The following ATP13A3 variants were observed in gnomAD, a reference collection of about 807,000 sequenced individuals.
ATP13A3 encodes polyamine-transporting ATPase 13A3.
A neutral mutation model predicts 158.1 loss-of-function variants in ATP13A3; 59 were observed. That is an observed-to-expected ratio of 0.37 (90% confidence interval 0.30 to 0.46). The LOEUF (loss-of-function observed/expected upper bound fraction) is 0.46. Ranked by LOEUF, ATP13A3 falls within the 20% of genes least tolerant of loss-of-function variation. The pLI is 1.00. For missense variants in ATP13A3, 1,166 were observed against 1,525.2 expected (o/e 0.76, Z 3.92); for synonymous variants, 491 against 504.3 (o/e 0.97, Z 0.35).
rs1242862922 is a variant in ATP13A3 at position 194,464,281 on chromosome 3, T to G, written c.-46-2045A>C. On this transcript the variant is annotated intron_variant, in intron 2 of 33. Coordinates refer to ENST00000645319, the MANE Select transcript of ATP13A3 (RefSeq NM_001367549.1). ...CATTGGTGCAAAAATAAATAACCAGTAAGATACTGAACTCAGTGCCATTGT... is the reference window on the plus strand; with the variant it reads ...CATTGGTGCAAAAATAAATAACCAGGAAGATACTGAACTCAGTGCCATTGT... 2.0e-5 allele frequency among the ~76,000 whole-genome samples: 3 copies of G among 152,188 alleles called. 1 individual carries two copies. The highest frequency in any genetic ancestry group is 2.9e-5 in the Non-Finnish European group (2 of 68,044).
intron 2 of ATP13A3, among the ~76,000 whole-genome samples, chr3:194,492,602 C>A (rs1268317062): frequency 6.6e-6 from 1 of 151,918 alleles, no homozygotes; most frequent in Non-Finnish European, 1.5e-5. Context: ...TTACAGGCAT[C>A]CGCCACCAGG....
rs764006440 is a variant in ATP13A3, at chr3:194,406,095, T to G, written c.3595A>C (p.Lys1199Gln). 51 of 1,613,956 alleles carry G rather than the reference T, an allele frequency of 3.2e-5. No homozygotes were observed. Among genetic ancestry groups the G allele is most frequent in the Non-Finnish European group, 3.9e-5 (46 of 1,180,026 alleles). Residue 1199 changes from lysine (K) to glutamine (Q), a missense_variant, in exon 34 of 34, where the codon AAA becomes CAA. This residue lies in a region of ATP13A3 where 997 missense variants were observed against 1,341.2 expected (regional missense o/e 0.74). Transcript: ENST00000645319. Reference protein sequence around the residue: ...PPQESVDRWGKCCLPWALGCR... With the variant: ...PPQESVDRWGQCCLPWALGCR... ...CCCAGGGCCCAGGGTAAGCAGCATTTTCCCCACCGATCCACTGACTCCTAA... is the reference window on the plus strand; with the variant it reads ...CCCAGGGCCCAGGGTAAGCAGCATTGTCCCCACCGATCCACTGACTCCTAA...
chr3:194,454,494 G>A, intron 8 of ATP13A3, 102 bp from the exon 9 acceptor site: 1 of 1,263,362 alleles, frequency 7.9e-7, no homozygotes, highest in Non-Finnish European at 1.1e-6. Context: ...ATATGTACAA[G>A]ATAAGCTCCA....
chr3:194,407,065 G>T (rs760025600), intron 33 of ATP13A3, among the ~76,000 whole-genome samples: 1 of 152,160 alleles, frequency 6.6e-6, no homozygotes, highest in Non-Finnish European at 1.5e-5. Flanking sequence ...TTAATGCATA[G>T]AAATGTAAAC....
intron 33 of ATP13A3, 150 bp from the exon 34 acceptor site, chr3:194,406,266 T>C: frequency 1.1e-6 from 1 of 900,266 alleles, no homozygotes; most frequent in East Asian, 2.7e-5. Flanking sequence ...AAATCCATGT[T>C]AAAAAAAGGC....
intron 10 of ATP13A3, chr3:194,451,566 G>A (rs1252065135): frequency 6.6e-6 from 1 of 152,216 alleles, no homozygotes; most frequent in Non-Finnish European, 1.5e-5. Context: ...AGCTAAGGGA[G>A]GCAGATCTTC....
Position 194,427,137 on chromosome 3 carries a change from T to C in ATP13A3, c.3063A>G (p.Gln1021=). The C allele has an allele frequency of 6.2e-7, 1 of 1,613,744 alleles. No individual in the cohort carries two copies. The highest frequency in any genetic ancestry group is 8.5e-7 in the Non-Finnish European group (1 of 1,179,950). Residue 1021 remains glutamine (Q), a synonymous_variant, in exon 29 of 34, where the codon CAA becomes CAG. Coordinates refer to ENST00000645319, the MANE Select transcript of ATP13A3 (RefSeq NM_001367549.1). ...LSQIIICIGF[Q]SLGFFWVKQQ... ...GTTTGACCCAAAAAAAACCCAAAGATTGAAATCCAATGCAGATGATAATCT... is the reference window on the plus strand; with the variant it reads ...GTTTGACCCAAAAAAAACCCAAAGACTGAAATCCAATGCAGATGATAATCT...
chr3:194,427,116 G>T lies in ATP13A3; in HGVS notation c.3084C>A (p.Val1028=). ...IGFQSLGFFW[V]KQQPWYEVWH... is the part of the protein sequence containing the mutation. ...ACACTTCATACCAAGGTTGCTGTTT[G>T]ACCCAAAAAAAACCCAAAGATTGAA... The change falls in exon 29 of 34, where the codon GTC becomes GTA. Residue 1028 remains valine, a synonymous_variant. Coordinates refer to ENST00000645319, the MANE Select transcript of ATP13A3 (RefSeq NM_001367549.1). The T allele has an allele frequency of 6.2e-7, 1 of 1,613,204 alleles. No individual in the cohort carries two copies. The highest frequency in any genetic ancestry group is 1.1e-5 in the South Asian group (1 of 90,788).
At chr3:194,450,809 AAT>A (rs1412142576) in intron 10 of ATP13A3, 1 of 152,432 alleles carries the variant, frequency 6.6e-6, no homozygotes. Context: ...TATTATTTTA[AAT>A]ATGAGTAAAT....
intron 14 of ATP13A3, among the ~76,000 whole-genome samples, chr3:194,446,479 C>T (rs1404090018): frequency 6.6e-6 from 1 of 152,202 alleles, no homozygotes; most frequent in Non-Finnish European, 1.5e-5. Flanking sequence ...TGCTGAGATA[C>T]GCTCCCACTA....
At chr3:194,407,918 T>C (rs1225872556) in intron 33 of ATP13A3, among the ~76,000 whole-genome samples, 1 of 152,184 alleles carries the variant, frequency 6.6e-6, no homozygotes, top group Non-Finnish European at 1.5e-5. Flanking sequence ...TCATCTGAGA[T>C]GACAGTTTAC....
rs942930345 is a variant in ATP13A3 at position 194,404,129 on chromosome 3, G to C, written c.*1790C>G. The C allele has an allele frequency of 2.2e-6, 1 of 450,762 alleles. No individual in the cohort carries two copies. The highest frequency in any genetic ancestry group is 2.5e-5 in the Admixed American group (1 of 40,302). 27.9% of individuals were successfully genotyped at this position (450,762 alleles called of 1,614,324 possible). A position where few individuals can be genotyped will look rare whatever the true frequency, so the allele number is the denominator to read the frequency against. On this transcript the variant is annotated 3_prime_UTR_variant, in exon 34 of 34. Transcript: ENST00000645319. ...AATATGGAAATTATAAAATGATCCA[G>C]AGAATAAGTAACTATAGAAAATAGT...
intron 29 of ATP13A3, 110 bp from the exon 30 acceptor site, chr3:194,425,639 T>G: frequency 2.4e-6 from 2 of 838,574 alleles, no homozygotes; most frequent in Non-Finnish European, 1.8e-6. Context: ...AATAGAAATA[T>G]GATATTTACA....
intron 11 of ATP13A3, 80 bp downstream of exon 11, chr3:194,450,065 A>G (rs779694549): frequency 2.7e-4 from 388 of 1,430,862 alleles, no homozygotes; most frequent in Non-Finnish European, 3.6e-4. Context: ...TGACATAGCT[A>G]ATTTTGAAAA....
chr3:194,467,462 A>G (rs1720062807), intron 2 of ATP13A3, among the ~76,000 whole-genome samples: 1 of 152,200 alleles, frequency 6.6e-6, no homozygotes, highest in Admixed American at 6.5e-5. Context: ...TTTCTCTAAA[A>G]CGTAGTTGTT....
intron 33 of ATP13A3, 63 bp downstream of exon 33, chr3:194,412,136 A>C: frequency 7.9e-7 from 1 of 1,265,996 alleles, no homozygotes. Flanking sequence ...TAGAGAATAC[A>C]GAGTACACAA....
In ATP13A3 at chr3:194,459,845, G is replaced by T; in HGVS notation, c.352C>A (p.Pro118Thr). Residue 118 changes from proline to threonine, a missense_variant, in exon 5 of 34, where the codon CCC becomes ACC. Coordinates refer to ENST00000645319, the MANE Select transcript of ATP13A3 (RefSeq NM_001367549.1). Reference sequence around the variant, plus strand: ...ATCCTGTGCCTATTTTCTTCAGTGGGATTCTCAATTAAACAAACTGCATGG... The same window carrying T: ...ATCCTGTGCCTATTTTCTTCAGTGGTATTCTCAATTAAACAAACTGCATGG... ...NGHAVCLIEN[P>T]TEENRHRISK... The T allele has an allele frequency of 1.2e-6, 2 of 1,613,372 alleles. No individual in the cohort carries two copies. The highest frequency in any genetic ancestry group is 1.7e-6 in the Non-Finnish European group (2 of 1,179,618).
intron 6 of ATP13A3, among the ~76,000 whole-genome samples, chr3:194,458,384 T>C (rs1231729127): frequency 6.6e-6 from 1 of 151,876 alleles, no homozygotes; most frequent in Non-Finnish European, 1.5e-5. Context: ...TGACAGCCCA[T>C]TGGCAATTTT....
chr3:194,407,728 G>A (rs915606664), intron 33 of ATP13A3, among the ~76,000 whole-genome samples: 4 of 152,170 alleles, frequency 2.6e-5, no homozygotes, highest in South Asian at 2.1e-4. Context: ...AAGATTACTC[G>A]CCTAGTAGCC....
Sources: allele counts gnomAD v4.1 joint callset (sites outside exome capture counted in the v4.1 genomes callset), GRCh38; gene constraint gnomAD v4.1.1; regional missense constraint gnomAD v4.1.1; transcripts MANE v1.5; gene names NCBI Gene and HGNC (gene_info 2026-07-23, HGNC 2026-07-21).